TIAM1: variants seen among roughly 807,000 people sequenced by gnomAD.
TIAM1 encodes the protein rho guanine nucleotide exchange factor TIAM1.
In TIAM1, 65 loss-of-function variants were observed where a neutral mutation model predicts 163.5. That is an observed-to-expected ratio of 0.40 (90% CI 0.33 to 0.49). The LOEUF (loss-of-function observed/expected upper bound fraction) is 0.49, where lower values mean the gene tolerates loss of function less well. TIAM1 is among the 20% of genes least tolerant of loss of function. The probability of loss-of-function intolerance (pLI) is 0.77; values close to 1 mark genes in which losing one functional copy is unlikely to be tolerated. For missense variants in TIAM1, 1,789 were observed against 2,044.7 expected (o/e 0.87, Z 2.41); for synonymous variants, 833 against 810.1 (o/e 1.03, Z -0.48).
Position 31,118,722 on chromosome 21 carries a change from G to GTATAGAAACCATTC in TIAM1, c.*1632_*1645dup. On this transcript the variant is annotated 3_prime_UTR_variant, in exon 28 of 28. Transcript: ENST00000541036. ...ATGGAAAAATGCAGTGATACAAAGG[G>GTATAGAAACCATTC]TATAGAAACCATTCTAAAGCTTTTT... The GTATAGAAACCATTC allele has an allele frequency of 2.3e-6, 1 of 433,168 alleles. No homozygotes were observed. The highest frequency in any genetic ancestry group is 1.7e-5 in the South Asian group (1 of 58,494). 26.8% of individuals were successfully genotyped at this position (433,168 alleles called of 1,614,324 possible). A position where few individuals can be genotyped will look rare whatever the true frequency, so the allele number is the denominator to read the frequency against.
chr21:31,278,635 A>G (rs1463313035), intron 2 of TIAM1, among the ~76,000 whole-genome samples: 2 of 152,240 alleles, frequency 1.3e-5, no homozygotes, highest in Non-Finnish European at 2.9e-5. Context: ...ACGTCTATCC[A>G]GAATGGAACA....
At chr21:31,463,812 CAAA>C (rs35597903) in intron 2 of TIAM1, among the ~76,000 whole-genome samples, 3 of 130,666 alleles carry the variant, frequency 2.3e-5, no homozygotes, top group African/African-American at 2.7e-5. Context: ...GCTCCGTCTC[CAAA>C]AAAAAAAAAA....
rs777057988 is a variant in TIAM1 at position 31,154,260 on chromosome 21, C to T, written c.3158G>A (p.Arg1053His). ...AAAGAAACATACCTTCACGTAGGTG[C>T]GCTCCGTCTCCAGGAGCTCGCAGAT... ...KVICELLETE[R>H]TYVKDLNCLM... The change falls in exon 17 of 28, where the codon CGC (arginine) becomes CAC (histidine). Residue 1053 changes from arginine (R) to histidine (H), a missense_variant. Arg to His is a conservative substitution (Grantham distance 29, BLOSUM62 0). Coordinates refer to ENST00000541036, the MANE Select transcript of TIAM1 (RefSeq NM_001353694.2). 19 of 1,613,866 alleles carry T rather than the reference C, an allele frequency of 1.2e-5. 1 individual carries two copies. The South Asian group carries it at 1.4e-4, about 12-fold the overall frequency.
At position 31,120,849 on chromosome 21, in the gene TIAM1, C is replaced by A. The variant is rs1273198350; in HGVS notation, c.4307-12G>T. Reference sequence around the variant, plus strand: ...GCTTGGGGCAGACACTGCACACACACACAAAAATATAAAAATAAAACCCCC... The same window carrying A: ...GCTTGGGGCAGACACTGCACACACAAACAAAAATATAAAAATAAAACCCCC... On this transcript the variant is annotated splice_polypyrimidine_tract_variant and intron_variant, in intron 27 of 27. Transcript: ENST00000541036. The surrounding 1 kb of genome is among the most constrained non-coding windows in gnomAD (Gnocchi z 4.2). The A allele has an allele frequency of 6.3e-7, 1 of 1,575,590 alleles. No homozygotes were observed. The highest frequency in any genetic ancestry group is 8.6e-7 in the Non-Finnish European group (1 of 1,162,870).
chr21:31,173,313 AC>A (rs558222494), intron 15 of TIAM1, among the ~76,000 whole-genome samples: 13 of 152,224 alleles, frequency 8.5e-5, no homozygotes, highest in African/African-American at 1.9e-4. Context: ...TGGAAAAAAA[AC>A]GTTTGGGGGT....
chr21:31,520,911 G>T (rs1451121458), intron 1 of TIAM1, among the ~76,000 whole-genome samples: 1 of 152,222 alleles, frequency 6.6e-6, no homozygotes, highest in African/African-American at 2.4e-5. Flanking sequence ...TCCGTAAGGT[G>T]AAAGAACACC....
At chr21:31,216,963 T>C (rs527911590) in intron 9 of TIAM1, among the ~76,000 whole-genome samples, 3 of 152,218 alleles carry the variant, frequency 2.0e-5, no homozygotes, top group East Asian at 1.9e-4. Context: ...ATCTCAGCAC[T>C]TGGGGAGGCT....
intron 2 of TIAM1, among the ~76,000 whole-genome samples, chr21:31,298,112 G>A (rs1157318439): frequency 6.6e-6 from 1 of 152,158 alleles, no homozygotes; most frequent in Non-Finnish European, 1.5e-5. Context: ...GTCCACAGCT[G>A]AGCGGATGGA....
chr21:31,514,417 A>G (rs1285841204), intron 1 of TIAM1, among the ~76,000 whole-genome samples: 1 of 151,754 alleles, frequency 6.6e-6, no homozygotes, highest in Non-Finnish European at 1.5e-5. Flanking sequence ...TAAAAAAATC[A>G]TATTGATTTT....
chr21:31,385,905 ATAAT>A (rs1052601829), intron 2 of TIAM1, among the ~76,000 whole-genome samples: 2 of 146,628 alleles, frequency 1.4e-5, no homozygotes, highest in Non-Finnish European at 3.0e-5. Context: ...ATTAGTTAAT[ATAAT>A]TAATATATTA....
At chr21:31,192,217 T>C (rs747535006) in intron 13 of TIAM1, among the ~76,000 whole-genome samples, 2 of 152,172 alleles carry the variant, frequency 1.3e-5, no homozygotes, top group African/African-American at 2.4e-5. Context: ...AAATCCTCTA[T>C]TGAGTATTCC....
chr21:31,397,866 C>T (rs1022272569), intron 2 of TIAM1, among the ~76,000 whole-genome samples: 1 of 152,224 alleles, frequency 6.6e-6, no homozygotes, highest in African/African-American at 2.4e-5. Context: ...AGGTCTCACA[C>T]TAACCATTTA....
At chr21:31,556,721 A>T (rs2048892210) in intron 1 of TIAM1, among the ~76,000 whole-genome samples, 1 of 152,236 alleles carries the variant, frequency 6.6e-6, no homozygotes, top group Non-Finnish European at 1.5e-5. Context: ...TTTTGAAGAT[A>T]TTCAATGAAA....
intron 2 of TIAM1, among the ~76,000 whole-genome samples, chr21:31,355,195 C>T (rs1237855483): frequency 1.3e-5 from 2 of 150,590 alleles, no homozygotes; most frequent in Admixed American, 6.6e-5. Context: ...AAAAAGGTAG[C>T]GGCTAATGAA....
chr21:31,176,214 G>C (rs1352609138), intron 15 of TIAM1, among the ~76,000 whole-genome samples: 2 of 152,168 alleles, frequency 1.3e-5, no homozygotes, highest in Non-Finnish European at 2.9e-5. Flanking sequence ...AATATTGCTA[G>C]ATAAGATCAG....
chr21:31,145,284 G>A (rs996230118), intron 20 of TIAM1, among the ~76,000 whole-genome samples: 1 of 152,176 alleles, frequency 6.6e-6, no homozygotes, highest in South Asian at 2.1e-4. Context: ...CCAGAGATCT[G>A]TATTGTGCTA....
At chr21:31,257,804 A>G (rs1025485186) in intron 4 of TIAM1, among the ~76,000 whole-genome samples, 3 of 152,226 alleles carry the variant, frequency 2.0e-5, no homozygotes, top group Admixed American at 1.3e-4. Flanking sequence ...CTCACTCCCA[A>G]GAATACTCAC....
intron 2 of TIAM1, among the ~76,000 whole-genome samples, chr21:31,416,395 T>C (rs112952126): frequency 0.013 from 1,991 of 152,278 alleles, 37 homozygotes; most frequent in African/African-American, 0.045. Context: ...TCAGTGTTGA[T>C]TGCTGAGATT....
rs141053576 is a variant in TIAM1, at chr21:31,358,017, G to C, written c.-368-18595C>G. Among the ~76,000 whole-genome samples, 321 of 152,268 alleles carry C rather than the reference G, an allele frequency of 2.1e-3. 4 individuals carry two copies. Among genetic ancestry groups the C allele is most frequent in the Non-Finnish European group, 1.5e-3 (101 of 68,028 alleles). On this transcript the variant is annotated intron_variant, in intron 2 of 28. Transcript: ENST00000286827. ...TTCTTTACACTGTGGTCCTCAGTGA[G>C]GGAGATAGGTAGATCCACTGTCCCG...
Sources: gnomAD v4.1 joint callset for allele counts (sites outside exome capture counted in the v4.1 genomes callset) on GRCh38, gnomAD v4.1.1 for gene constraint, Gnocchi (gnomAD v3.1) non-coding constraint, MANE v1.5 for transcripts, NCBI Gene and HGNC (gene_info 2026-07-23, HGNC 2026-07-21) for gene names.